The following FGFRL1 variants were observed in gnomAD, a reference collection of about 807,000 sequenced individuals.
The protein encoded by FGFRL1 is fibroblast growth factor receptor like 1.
Under a neutral mutation model 36.8 loss-of-function variants are expected in FGFRL1, and 24 were observed. That is an observed-to-expected ratio of 0.65 (90% CI 0.47 to 0.92). FGFRL1 has a LOEUF of 0.92. FGFRL1 is among the 40% of genes least tolerant of loss of function. The pLI is 0.00. For synonymous variants in FGFRL1, 422 were observed against 344.1 expected (o/e 1.23, Z -2.50); for missense variants, 785 against 753.4 (o/e 1.04, Z -0.49).
At position 1,025,358 on chromosome 4, in the gene FGFRL1, A is replaced by G. The variant is rs1168839350; in HGVS notation, c.*11A>G. Reference sequence around the variant, plus strand: ...CACTATCAGTGCTAGACGGCACCGTATCTGCAGTGGGCACGGGGGGGCCGG... The same window carrying G: ...CACTATCAGTGCTAGACGGCACCGTGTCTGCAGTGGGCACGGGGGGGCCGG... On this transcript the variant is annotated 3_prime_UTR_variant, in exon 7 of 7. Transcript: ENST00000510644. The G allele has an allele frequency of 2.0e-6, 3 of 1,535,744 alleles. No homozygotes were observed. The highest frequency in any genetic ancestry group is 2.0e-5 in the Admixed American group (1 of 50,692).
chr4:1,014,924 G>T (rs989415370), intron 2 of FGFRL1, among the ~76,000 whole-genome samples: 3 of 152,228 alleles, frequency 2.0e-5, no homozygotes, highest in African/African-American at 4.8e-5. Context: ...TGGAAACGCC[G>T]ACCGCAGACT....
intron 3 of FGFRL1, 71 bp downstream of exon 3, chr4:1,022,546 G>C (rs532616594): frequency 1.4e-4 from 205 of 1,505,640 alleles, no homozygotes; most frequent in Admixed American, 5.6e-4. Context: ...GAGGGCGGAC[G>C]GGGACACACC....
upstream of FGFRL1, chr4:1,010,314 C>G (rs1206308242): frequency 6.6e-6 from 1 of 152,298 alleles, no homozygotes; most frequent in Non-Finnish European, 1.5e-5. Context: ...CAGGATGGGC[C>G]GTCCGAGCGC....
At position 1,024,944 on chromosome 4, in the gene FGFRL1, C is replaced by G. The variant is rs767896163; in HGVS notation, c.1112C>G (p.Ser371Trp). ...PPGPPVASSS[S>W]ATSLPWPVVI... ...GGGCCACCTGTGGCCTCCTCGTCCT[C>G]GGCCACTAGCCTGCCGTGGCCCGTG... Residue 371 changes from serine (S) to tryptophan (W), a missense_variant, in exon 7 of 7, where the codon TCG (serine) becomes TGG (tryptophan). Ser to Trp is a radical substitution (Grantham distance 177, BLOSUM62 -3). Transcript: ENST00000510644. The G allele has an allele frequency of 6.2e-7, 1 of 1,604,350 alleles. No homozygotes were observed. The highest frequency in any genetic ancestry group is 8.5e-7 in the Non-Finnish European group (1 of 1,177,768).
intron 2 of FGFRL1, among the ~76,000 whole-genome samples, chr4:1,013,507 A>C (rs866752142): frequency 2.4e-4 from 37 of 151,072 alleles, no homozygotes; most frequent in Admixed American, 4.6e-4. Flanking sequence ...GGCGGTGACC[A>C]GGTGGGCCTT....
chr4:1,022,388 G>C lies in FGFRL1; in HGVS notation c.265G>C (p.Val89Leu), dbSNP rs377619943. 1.9e-5 allele frequency: 31 copies of C among 1,611,312 alleles called. No homozygotes were observed. The highest frequency in any genetic ancestry group is 2.4e-5 in the Non-Finnish European group (28 of 1,179,476). ...GCCGCAGGGGCTGAAGGTGAAGCAG[G>C]TGGAGCGGGAGGATGCCGGCGTGTA... ...VLPQGLKVKQ[V>L]EREDAGVYVC... The change falls in exon 3 of 7, where the codon GTG becomes CTG. Residue 89 changes from valine to leucine, a missense_variant. Coordinates refer to ENST00000510644, the MANE Select transcript of FGFRL1 (RefSeq NM_001004356.3).
At position 1,025,695 on chromosome 4, in the gene FGFRL1, C is replaced by G. The variant is rs920355445; in HGVS notation, c.*348C>G. Reference sequence around the variant, plus strand: ...TACAAGGACATGCTGCCTGAACATACACACGCACACCCATGCGCAGATGTG... The same window carrying G: ...TACAAGGACATGCTGCCTGAACATAGACACGCACACCCATGCGCAGATGTG... On this transcript the variant is annotated 3_prime_UTR_variant, in exon 7 of 7. Transcript: ENST00000510644. 5.1e-6 allele frequency: 2 copies of G among 395,338 alleles called. No individual in the cohort carries two copies. The highest frequency in any genetic ancestry group is 9.3e-6 in the Non-Finnish European group (2 of 214,492). 24.5% of individuals were successfully genotyped at this position (395,338 alleles called of 1,614,324 possible). A position where few individuals can be genotyped will look rare whatever the true frequency, so the allele number is the denominator to read the frequency against.
chr4:1,023,658 A>T lies in FGFRL1; in HGVS notation c.370A>T (p.Lys124Ter). Residue 124 changes from lysine to a stop codon, truncating the protein, a stop_gained, in exon 4 of 7, where the codon AAG (lysine) becomes TAG (stop). Transcript: ENST00000510644. LOFTEE classifies it high-confidence loss of function. This position sits in a 1 kb window ranked among gnomAD's most constrained non-coding sequence, Gnocchi z 6.0. ...CTCTGCAGATGACATTAGCCCAGGG[A>T]AGGAGAGCCTGGGGCCCGACAGCTC... ...LVVLDDISPG[K>*]ESLGPDSSSG... 6.2e-7 allele frequency: 1 copy of T among 1,604,290 alleles called. No individual in the cohort carries two copies. The highest frequency in any genetic ancestry group is 8.5e-7 in the Non-Finnish European group (1 of 1,177,440).
chr4:1,023,350 G>A lies in FGFRL1; in HGVS notation c.353-291G>A, dbSNP rs911273283. On this transcript the variant is annotated intron_variant, in intron 3 of 6. Transcript: ENST00000510644. This position sits in a 1 kb window ranked among gnomAD's most constrained non-coding sequence, Gnocchi z 6.0. Reference sequence around the variant, plus strand: ...GCTAGGGTTACTGCAGCTGCTGGCCGGGCCCGGCTCCCTCCTCCCCCGGGG... The same window carrying A: ...GCTAGGGTTACTGCAGCTGCTGGCCAGGCCCGGCTCCCTCCTCCCCCGGGG... Among the ~76,000 whole-genome samples, 3 of 152,026 alleles carry A rather than the reference G, an allele frequency of 2.0e-5. No homozygotes were observed. In the South Asian group the frequency reaches 6.2e-4, roughly 32 times the overall value.
chr4:1,022,416 T>C lies in FGFRL1; in HGVS notation c.293T>C (p.Val98Ala). The change falls in exon 3 of 7, where the codon GTG becomes GCG. Residue 98 changes from valine (V) to alanine (A), a missense_variant. By Grantham distance (64) the Val-to-Ala change is moderately conservative. Coordinates refer to ENST00000510644, the MANE Select transcript of FGFRL1 (RefSeq NM_001004356.3). ...QVEREDAGVY[V>A]CKATNGFGSL... ...GAGCGGGAGGATGCCGGCGTGTACG[T>C]GTGCAAGGCCACCAACGGCTTCGGC... 6.2e-7 allele frequency: 1 copy of C among 1,611,646 alleles called. No homozygotes were observed. Among genetic ancestry groups the C allele is most frequent in the Non-Finnish European group, 8.5e-7 (1 of 1,179,446 alleles).
intron 6 of FGFRL1, 76 bp from the exon 7 acceptor site, chr4:1,024,829 G>A: frequency 6.8e-7 from 1 of 1,460,056 alleles, no homozygotes; most frequent in Non-Finnish European, 9.2e-7. Flanking sequence ...CACAGCCCCT[G>A]GGATGGGTCT....
chr4:1,023,688 G>A lies in FGFRL1; in HGVS notation c.400G>A (p.Gly134Arg). ...GAGCCTGGGGCCCGACAGCTCCTCT[G>A]GGGGTCAAGAGGACCCCGCCAGCCA... ...KESLGPDSSS[G>R]GQEDPASQQW... The change falls in exon 4 of 7, where the codon GGG becomes AGG. Residue 134 changes from glycine (G) to arginine (R), a missense_variant. Transcript: ENST00000510644. The surrounding 1 kb of genome is among the most constrained non-coding windows in gnomAD (Gnocchi z 6.0). 6.2e-7 allele frequency: 1 copy of A among 1,601,242 alleles called. No individual in the cohort carries two copies. The highest frequency in any genetic ancestry group is 1.3e-5 in the African/African-American group (1 of 74,854).
chr4:1,014,119 G>T (rs1715756757), intron 2 of FGFRL1, among the ~76,000 whole-genome samples: 3 of 152,234 alleles, frequency 2.0e-5, no homozygotes, highest in Admixed American at 6.5e-5. Flanking sequence ...GTTAGGCCAA[G>T]GACCAGCATG....
rs1298322282 is a variant in FGFRL1 at position 1,023,963 on chromosome 4, C to G, written c.580C>G (p.Pro194Ala). The G allele has an allele frequency of 6.3e-7, 1 of 1,597,022 alleles. No homozygotes were observed. Among genetic ancestry groups the G allele is most frequent in the Admixed American group, 1.7e-5 (1 of 58,554 alleles). ...GAAGGACGACCAGGCCTTGACGCGC[C>G]CAGAGGCCGCTGAGCCCAGGAAGAA... ...WMKDDQALTR[P>A]EAAEPRKKKW... is the part of the protein sequence containing the mutation. The change falls in exon 5 of 7, where the codon CCA becomes GCA. Residue 194 changes from proline to alanine, a missense_variant. Pro to Ala is a conservative substitution (Grantham distance 27). Transcript: ENST00000510644. This position sits in a 1 kb window ranked among gnomAD's most constrained non-coding sequence, Gnocchi z 6.0.
At position 1,026,401 on chromosome 4, in the gene FGFRL1, C is replaced by T. The variant is rs1716536563; in HGVS notation, c.*1054C>T. 1 of 157,880 alleles carries T rather than the reference C, an allele frequency of 6.3e-6. No individual in the cohort carries two copies. 9.8% of individuals were successfully genotyped at this position (157,880 alleles called of 1,614,324 possible). A position where few individuals can be genotyped will look rare whatever the true frequency, so the allele number is the denominator to read the frequency against. On this transcript the variant is annotated 3_prime_UTR_variant, in exon 7 of 7. Transcript: ENST00000510644. ...AGTTGATGAGGGACTTTCCCTGCTC[C>T]ACCGTCACTCCCCCAACTCTGCCCG... is the stretch of plus-strand genomic sequence containing the variant.
At position 1,024,062 on chromosome 4, in the gene FGFRL1, G is replaced by A; in HGVS notation, c.679G>A (p.Ala227Thr). Residue 227 changes from alanine (A) to threonine (T), a missense_variant, in exon 5 of 7, where the codon GCG (alanine) becomes ACG (threonine). Coordinates refer to ENST00000510644, the MANE Select transcript of FGFRL1 (RefSeq NM_001004356.3). ...GKYTCRVSNRAGAINATYKVD... is the reference protein window; with the variant it reads ...GKYTCRVSNRTGAINATYKVD... ...ATACACCTGCCGCGTGTCGAACCGC[G>A]CGGGCGCCATCAACGCCACCTACAA... The A allele has an allele frequency of 7.5e-6, 12 of 1,603,684 alleles. No homozygotes were observed. The highest frequency in any genetic ancestry group is 1.0e-5 in the Non-Finnish European group (12 of 1,177,156).
chr4:1,018,032 CCGAGGAG>C (rs1715984712), intron 2 of FGFRL1, among the ~76,000 whole-genome samples: 1 of 152,204 alleles, frequency 6.6e-6, no homozygotes, highest in Non-Finnish European at 1.5e-5. Context: ...ATTGGAGCCC[CCGAGGAG>C]CTACGGGGTG....
In FGFRL1 at chr4:1,025,633, C is replaced by G. The variant is rs573619022; in HGVS notation, c.*286C>G. ...CCGCCTGGGCACACAGATAAGCTGC[C>G]CAAATGCACGCACACGCACAGAGAC... On this transcript the variant is annotated 3_prime_UTR_variant, in exon 7 of 7. Coordinates refer to ENST00000510644, the MANE Select transcript of FGFRL1 (RefSeq NM_001004356.3). 500 of 532,194 alleles carry G rather than the reference C, an allele frequency of 9.4e-4. 1 individual carries two copies. Among genetic ancestry groups the G allele is most frequent in the African/African-American group, 8.8e-3 (462 of 52,528 alleles). 33.0% of individuals were successfully genotyped at this position (532,194 alleles called of 1,614,324 possible).
At chr4:1,022,518 C>T in intron 3 of FGFRL1, 43 bp downstream of exon 3, 1 of 1,552,506 alleles carries the variant, frequency 6.4e-7, no homozygotes, top group Non-Finnish European at 8.7e-7. Flanking sequence ...TGGGTTGGAG[C>T]CAGGCAGGGG....
Sources: allele counts gnomAD v4.1 joint callset (sites outside exome capture counted in the v4.1 genomes callset), GRCh38; gene constraint gnomAD v4.1.1; non-coding constraint Gnocchi (gnomAD v3.1); transcripts MANE v1.5; gene names NCBI Gene and HGNC (gene_info 2026-07-23, HGNC 2026-07-21).